The following DOCK3 variants were observed in gnomAD, a reference collection of about 807,000 sequenced individuals.
The protein encoded by DOCK3 is dedicator of cytokinesis protein 3.
A neutral mutation model predicts 265.6 loss-of-function variants in DOCK3; 60 were observed. The ratio of observed to expected loss-of-function variants is 0.23; its 90% CI spans 0.18 to 0.28. DOCK3 has a LOEUF of 0.28. DOCK3 is among the 10% of genes least tolerant of loss of function. DOCK3 has a pLI of 1.00. For missense variants in DOCK3, 1,981 were observed against 2,594.3 expected (o/e 0.76, Z 5.14); for synonymous variants, 881 against 938.0 (o/e 0.94, Z 1.11).
intron 1 of DOCK3, among the ~76,000 whole-genome samples, chr3:50,739,353 G>T (rs142632006): frequency 1.7e-4 from 26 of 151,890 alleles, no homozygotes; most frequent in African/African-American, 6.3e-4. Context: ...TCATTTAGTT[G>T]TTCCTCCCTT....
intron 49 of DOCK3, among the ~76,000 whole-genome samples, chr3:51,365,694 G>T (rs1221760908): frequency 6.6e-6 from 1 of 152,242 alleles, no homozygotes. Flanking sequence ...TTTTTAGCAT[G>T]AAGGGCTGTT....
At chr3:50,684,792 A>G (rs1300963290) in intron 1 of DOCK3, among the ~76,000 whole-genome samples, 1 of 152,194 alleles carries the variant, frequency 6.6e-6, no homozygotes, top group Non-Finnish European at 1.5e-5. Context: ...TTTCTGTTAG[A>G]ATTTTTTCTA....
At chr3:51,103,836 A>G (rs2083175379) in intron 9 of DOCK3, among the ~76,000 whole-genome samples, 1 of 152,246 alleles carries the variant, frequency 6.6e-6, no homozygotes, top group East Asian at 1.9e-4. Flanking sequence ...CACTTATCCA[A>G]CTACACAATG....
intron 5 of DOCK3, among the ~76,000 whole-genome samples, chr3:51,003,230 T>C (rs753096777): frequency 7.9e-5 from 12 of 152,222 alleles, no homozygotes; most frequent in Middle Eastern, 3.2e-3. Flanking sequence ...TTCACATTTT[T>C]TTAAAGAGCT....
chr3:50,716,772 C>CT (rs1446276600), intron 1 of DOCK3, among the ~76,000 whole-genome samples: 6 of 151,622 alleles, frequency 4.0e-5, no homozygotes, highest in East Asian at 1.9e-4. Flanking sequence ...CTAATTCTGA[C>CT]TTTTTTTAAA....
At chr3:51,053,119 A>G (rs1273331020) in intron 5 of DOCK3, among the ~76,000 whole-genome samples, 8 of 122,190 alleles carry the variant, frequency 6.5e-5, no homozygotes, top group African/African-American at 2.4e-4. Context: ...ATATATATAT[A>G]TATGGATTTT....
chr3:51,306,466 G>A (rs2082696279), intron 27 of DOCK3, among the ~76,000 whole-genome samples: 1 of 152,198 alleles, frequency 6.6e-6, no homozygotes, highest in Non-Finnish European at 1.5e-5. Flanking sequence ...ATCAATTTTG[G>A]AAAGTTTTTG....
chr3:50,980,483 G>C, intron 5 of DOCK3, among the ~76,000 whole-genome samples: 1 of 152,090 alleles, frequency 6.6e-6, no homozygotes. Context: ...AGAGTAAGTT[G>C]GGAAGAATTT....
intron 14 of DOCK3, among the ~76,000 whole-genome samples, chr3:51,216,360 A>G (rs1474680101): frequency 6.6e-6 from 1 of 152,156 alleles, no homozygotes; most frequent in African/African-American, 2.4e-5. Context: ...GAAATATGTA[A>G]TTTCAAGCAT....
intron 2 of DOCK3, among the ~76,000 whole-genome samples, chr3:50,797,401 C>T (rs2042848279): frequency 1.3e-5 from 2 of 152,224 alleles, no homozygotes; most frequent in South Asian, 2.1e-4. Context: ...GATGGGTCTG[C>T]CTTGCTTTGT....
intron 9 of DOCK3, among the ~76,000 whole-genome samples, chr3:51,134,150 T>C (rs1183207573): frequency 1.3e-5 from 2 of 152,212 alleles, no homozygotes; most frequent in African/African-American, 4.8e-5. Context: ...ATGGTGTGTA[T>C]ATACCACATT....
At position 51,381,151 on chromosome 3, in the gene DOCK3, C is replaced by T. The variant is rs781948163; in HGVS notation, c.5685C>T (p.Ser1895=). 8 of 1,613,814 alleles carry T rather than the reference C, an allele frequency of 5.0e-6. No homozygotes were observed. In the East Asian group the frequency reaches 1.8e-4, roughly 36 times the overall value. Residue 1895 remains serine (S), a synonymous_variant, in exon 53 of 53, where the codon TCC becomes TCT. Transcript: ENST00000266037. This position sits in a 1 kb window ranked among gnomAD's most constrained non-coding sequence, Gnocchi z 5.6. ...LSGSASSGVS[S]LSESNFGHSS... ...GCAGTGCCAGCAGCGGCGTGTCCTC[C>T]TTGAGTGAGAGTAACTTTGGGCACT...
rs536496545 is a variant in DOCK3, at chr3:51,341,139, C to G, written c.3767-98C>G. ...CCCGACCTGGGCTGCACATGACTTG[C>G]GCTGGCATTCTGCCCAGCATAGTCC... On this transcript the variant is annotated intron_variant, in intron 37 of 52. Coordinates refer to ENST00000266037, the MANE Select transcript of DOCK3 (RefSeq NM_004947.5). 1.4e-4 allele frequency: 190 copies of G among 1,400,410 alleles called. 2 individuals carry two copies. In the South Asian group the frequency reaches 2.5e-3, roughly 19 times the overall value. 86.7% of individuals were successfully genotyped at this position (1,400,410 alleles called of 1,614,324 possible).
chr3:51,127,439 A>G (rs1353392781), intron 9 of DOCK3, among the ~76,000 whole-genome samples: 1 of 152,228 alleles, frequency 6.6e-6, no homozygotes, highest in Non-Finnish European at 1.5e-5. Context: ...GTCATAATTA[A>G]GCCCAACATA....
intron 9 of DOCK3, among the ~76,000 whole-genome samples, chr3:51,092,105 G>T (rs1372451754): frequency 4.6e-5 from 7 of 152,170 alleles, no homozygotes; most frequent in African/African-American, 1.7e-4. Context: ...CAAACTAGCT[G>T]CAGGAGTTTG....
intron 3 of DOCK3, among the ~76,000 whole-genome samples, chr3:50,886,473 A>G (rs1003096655): frequency 6.6e-6 from 1 of 151,572 alleles, no homozygotes; most frequent in Non-Finnish European, 1.5e-5. Context: ...TTAGTTACAT[A>G]TGTATACATG....
At chr3:51,046,888 GAAAAT>G (rs1479098682) in intron 5 of DOCK3, among the ~76,000 whole-genome samples, 1 of 151,926 alleles carries the variant, frequency 6.6e-6, no homozygotes, top group Non-Finnish European at 1.5e-5. Flanking sequence ...ATAGTGGAAT[GAAAAT>G]AAAAGTTTAC....
At chr3:51,014,144 G>T (rs2079060701) in intron 5 of DOCK3, among the ~76,000 whole-genome samples, 1 of 152,118 alleles carries the variant, frequency 6.6e-6, no homozygotes. Context: ...GCCCCACCCT[G>T]CTTCAGCTCG....
chr3:50,981,088 A>G (rs1292337398), intron 5 of DOCK3, among the ~76,000 whole-genome samples: 1 of 152,078 alleles, frequency 6.6e-6, no homozygotes, highest in Admixed American at 6.5e-5. Context: ...GTAGGCATTT[A>G]TTGCTATAAA....
Sources: gnomAD v4.1 joint callset for allele counts (sites outside exome capture counted in the v4.1 genomes callset) on GRCh38, gnomAD v4.1.1 for gene constraint, Gnocchi (gnomAD v3.1) non-coding constraint, MANE v1.5 for transcripts, NCBI Gene and HGNC (gene_info 2026-07-23, HGNC 2026-07-21) for gene names.